Variants in RNF32 observed in about 807,000 individuals in gnomAD.
RNF32 encodes the protein ring finger protein 32.
A neutral mutation model predicts 41.0 loss-of-function variants in RNF32; 36 were observed. The observed-to-expected ratio is 0.88, with a 90% CI of 0.67 to 1.16. The LOEUF (loss-of-function observed/expected upper bound fraction) is 1.16, where lower values mean the gene tolerates loss of function less well. RNF32 is among the 50% of genes most tolerant of loss of function. The pLI is 0.00. For missense variants in RNF32, 413 were observed against 436.7 expected (o/e 0.95, Z 0.48); for synonymous variants, 154 against 160.9 (o/e 0.96, Z 0.32).
intron 3 of RNF32, 32 bp from the exon 4 acceptor site, chr7:156,654,542 ACT>A: frequency 1.3e-6 from 2 of 1,587,124 alleles, no homozygotes; most frequent in South Asian, 1.1e-5. Context: ...GCTAAAAGAC[ACT>A]CTAACTCCTG....
intron 3 of RNF32, 78 bp downstream of exon 3, chr7:156,644,835 T>C (rs1797787629): frequency 1.4e-6 from 2 of 1,402,626 alleles, no homozygotes; most frequent in South Asian, 2.6e-5. Context: ...TAATTTTTTA[T>C]GTTACAGAAA....
At chr7:156,643,741 A>C in intron 1 of RNF32, 60 bp from the exon 2 acceptor site, 1 of 797,946 alleles carries the variant, frequency 1.3e-6, no homozygotes. Flanking sequence ...GCATCCTCAC[A>C]AACTTCATGG....
At chr7:156,641,436 G>A (rs1330621121) in intron 1 of RNF32, among the ~76,000 whole-genome samples, 2 of 152,102 alleles carry the variant, frequency 1.3e-5, no homozygotes, top group Non-Finnish European at 2.9e-5. Context: ...TTCAATACTG[G>A]GCAAGGGTTA....
intron 8 of RNF32, 30 bp downstream of exon 8, chr7:156,675,893 C>A: frequency 6.2e-7 from 1 of 1,602,424 alleles, no homozygotes; most frequent in Non-Finnish European, 8.5e-7. Context: ...TGGCAACCAG[C>A]AGACTCAGCT....
intron 4 of RNF32, 172 bp from the exon 5 acceptor site, chr7:156,657,369 T>C (rs1378958659): frequency 1.6e-6 from 1 of 636,588 alleles, no homozygotes; most frequent in African/African-American, 1.8e-5. Context: ...ATTTAGAGTA[T>C]ATACTTGTGC....
chr7:156,659,221 T>C lies in RNF32; in HGVS notation c.684+651T>C, dbSNP rs973282993. On this transcript the variant is annotated intron_variant, in intron 7 of 8. Transcript: ENST00000317955. ...TCATATGAAAGCCATCACTTCTTCC[T>C]GGCAGTGTTGGCCTGAGAAGAGCTG... is the stretch of plus-strand genomic sequence containing the variant. 2.3e-5 allele frequency: 25 copies of C among 1,108,184 alleles called. No homozygotes were observed. The African/African-American group carries it at 3.1e-4, about 14-fold the overall frequency. 68.6% of individuals were successfully genotyped at this position (1,108,184 alleles called of 1,614,324 possible).
chr7:156,660,965 G>T (rs913750433), intron 7 of RNF32, among the ~76,000 whole-genome samples: 10 of 152,218 alleles, frequency 6.6e-5, no homozygotes, highest in African/African-American at 2.4e-4. Context: ...TGGATTCAGA[G>T]ATTCTTTATT....
rs1802119193 is a variant in RNF32 at position 156,669,977 on chromosome 7, C to T, written c.685-5719C>T. Among the ~76,000 whole-genome samples, 1 of 152,184 alleles carries T rather than the reference C, an allele frequency of 6.6e-6. No individual in the cohort carries two copies. Among genetic ancestry groups the T allele is most frequent in the Non-Finnish European group, 1.5e-5 (1 of 68,026 alleles). ...AACATGGGAAAGTGCCATCCAAGTA[C>T]TAAAAGTATAAAGCTGTATGTACTT... On this transcript the variant is annotated intron_variant, in intron 7 of 8. Transcript: ENST00000317955. The surrounding 1 kb of genome is among the most constrained non-coding windows in gnomAD (Gnocchi z 4.2).
At chr7:156,658,608 C>T (rs369077118) in intron 7 of RNF32, 38 bp downstream of exon 7, 125 of 1,367,146 alleles carry the variant, frequency 9.1e-5, no homozygotes, top group Non-Finnish European at 1.1e-4. Flanking sequence ...ATATGGTCTC[C>T]GTGCGGGTGG....
intron 1 of RNF32, among the ~76,000 whole-genome samples, chr7:156,643,523 T>C (rs918472287): frequency 2.6e-5 from 4 of 152,236 alleles, no homozygotes; most frequent in Non-Finnish European, 5.9e-5. Context: ...TGTATCATGT[T>C]ATATTTAGCA....
intron 7 of RNF32, among the ~76,000 whole-genome samples, chr7:156,671,749 C>G (rs560281336): frequency 1.3e-5 from 2 of 151,024 alleles, no homozygotes; most frequent in South Asian, 4.3e-4. Flanking sequence ...CCTAGTATCT[C>G]ATGTCACCAT....
At chr7:156,659,495 T>C (rs1447063813) in intron 7 of RNF32, 1 of 985,258 alleles carries the variant, frequency 1.0e-6, no homozygotes, top group East Asian at 1.1e-4. Flanking sequence ...TGACAGTCAG[T>C]TGTGTTCTCT....
At chr7:156,648,067 T>C (rs1298868369) in intron 3 of RNF32, among the ~76,000 whole-genome samples, 1 of 151,962 alleles carries the variant, frequency 6.6e-6, no homozygotes, top group African/African-American at 2.4e-5. Flanking sequence ...GAGTTCCTCG[T>C]AGGTTCTGGA....
intron 7 of RNF32, chr7:156,659,316 T>C (rs1800240938): frequency 1.0e-6 from 1 of 990,988 alleles, no homozygotes; most frequent in Non-Finnish European, 1.2e-6. Flanking sequence ...ATTAACTCCT[T>C]TCCTAGAATA....
At chr7:156,658,644 A>G in intron 7 of RNF32, 74 bp downstream of exon 7, 1 of 979,416 alleles carries the variant, frequency 1.0e-6, no homozygotes, top group Admixed American at 2.0e-5. Context: ...GAAGGCTAAC[A>G]GAGGTGGTAA....
intron 7 of RNF32, among the ~76,000 whole-genome samples, chr7:156,663,531 A>T (rs1166362039): frequency 6.6e-6 from 1 of 152,202 alleles, no homozygotes; most frequent in Non-Finnish European, 1.5e-5. Context: ...ACTTTATATA[A>T]ATTTAATGTA....
intron 7 of RNF32, among the ~76,000 whole-genome samples, chr7:156,663,799 C>A (rs1241466665): frequency 6.6e-6 from 1 of 152,146 alleles, no homozygotes; most frequent in Non-Finnish European, 1.5e-5. Context: ...GAAGGTATTT[C>A]AGACCAGTGG....
intron 7 of RNF32, chr7:156,660,149 C>T (rs1167817260): frequency 1.2e-5 from 12 of 985,620 alleles, no homozygotes; most frequent in Non-Finnish European, 1.4e-5. Flanking sequence ...CCCGTGTCTG[C>T]TTTTCTGAGC....
At chr7:156,648,681 C>T (rs1324879458) in intron 3 of RNF32, among the ~76,000 whole-genome samples, 1 of 152,176 alleles carries the variant, frequency 6.6e-6, no homozygotes, top group Non-Finnish European at 1.5e-5. Context: ...ACATAATATT[C>T]CACTTGGATT....
Sources: gnomAD v4.1 joint callset for allele counts (sites outside exome capture counted in the v4.1 genomes callset) on GRCh38, gnomAD v4.1.1 for gene constraint, Gnocchi (gnomAD v3.1) non-coding constraint, MANE v1.5 for transcripts, NCBI Gene and HGNC (gene_info 2026-07-23, HGNC 2026-07-21) for gene names.